SLC44A5: variants seen among roughly 807,000 people sequenced by gnomAD.
SLC44A5 encodes the protein choline transporter-like protein 5.
SLC44A5 carries 57 observed loss-of-function variants against 101.8 expected under a neutral mutation model. The ratio of observed to expected loss-of-function variants is 0.56; its 90% CI spans 0.45 to 0.70. SLC44A5 has a LOEUF of 0.70. Among genes scored for constraint, SLC44A5 ranks in the 30% least tolerant of loss-of-function variants. The pLI, the probability that SLC44A5 is intolerant of heterozygous loss-of-function variation, is 0.00. For synonymous variants in SLC44A5, 281 were observed against 290.9 expected (o/e 0.97, Z 0.35); for missense variants, 737 against 853.1 (o/e 0.86, Z 1.70).
At chr1:75,587,892 G>A (rs759028168) in intron 1 of SLC44A5, among the ~76,000 whole-genome samples, 2 of 152,094 alleles carry the variant, frequency 1.3e-5, no homozygotes, top group Non-Finnish European at 2.9e-5. Flanking sequence ...TCTGGCACTC[G>A]CAGGTTCCCC....
chr1:75,294,394 G>A (rs558995424), intron 5 of SLC44A5, among the ~76,000 whole-genome samples: 1 of 152,244 alleles, frequency 6.6e-6, no homozygotes, highest in South Asian at 2.1e-4. Context: ...ATGTAAATTA[G>A]TATAGCCATT....
At chr1:75,501,567 T>G (rs1334087008) in intron 2 of SLC44A5, among the ~76,000 whole-genome samples, 1 of 152,164 alleles carries the variant, frequency 6.6e-6, no homozygotes, top group African/African-American at 2.4e-5. Flanking sequence ...TCTATAAAGT[T>G]CAAAGCATTT....
intron 2 of SLC44A5, among the ~76,000 whole-genome samples, chr1:75,425,739 A>G (rs1179897747): frequency 6.6e-6 from 1 of 152,198 alleles, no homozygotes; most frequent in Non-Finnish European, 1.5e-5. Context: ...CCCCTTGAAC[A>G]TGCCATGCTA....
At chr1:75,679,619 A>C in the SLC44A5 span, among the ~76,000 whole-genome samples, 1 of 152,120 alleles carries the variant, frequency 6.6e-6, no homozygotes, top group Non-Finnish European at 1.5e-5. Flanking sequence ...GAAGCGCTAA[A>C]CATGGAAAGG....
At chr1:75,211,617 C>T (rs1384024442) in intron 22 of SLC44A5, 65 bp from the exon 23 acceptor site, 1 of 1,208,188 alleles carries the variant, frequency 8.3e-7, no homozygotes, top group Non-Finnish European at 1.2e-6. Context: ...AATAATGCAG[C>T]TATAAATGAA....
intron 2 of SLC44A5, among the ~76,000 whole-genome samples, chr1:75,533,703 C>A (rs1670846579): frequency 6.6e-6 from 1 of 152,172 alleles, no homozygotes; most frequent in Non-Finnish European, 1.5e-5. Context: ...TGTAAAAACT[C>A]TTTGTCTTCC....
intron 2 of SLC44A5, among the ~76,000 whole-genome samples, chr1:75,509,921 G>A (rs1376328650): frequency 6.6e-6 from 1 of 152,190 alleles, no homozygotes; most frequent in Non-Finnish European, 1.5e-5. Flanking sequence ...AAAGGAAAGA[G>A]TTTAATTGAC....
Position 75,203,666 on chromosome 1 carries a change from GCA to G in SLC44A5, c.*59_*60del. The G allele has an allele frequency of 6.7e-7, 1 of 1,498,418 alleles. No homozygotes were observed. The highest frequency in any genetic ancestry group is 1.4e-5 in the African/African-American group (1 of 71,078). The allele number at this position is 1,498,418 out of a possible 1,614,324, so 92.8% of individuals were successfully genotyped here. On this transcript the variant is annotated 3_prime_UTR_variant, in exon 24 of 24. Transcript: ENST00000370859. ...ACAAAGCACTTATGAAACAAATGTT[GCA>G]CAGACACAGCAGATGGAGAAAAGGT...
the SLC44A5 span, among the ~76,000 whole-genome samples, chr1:75,620,582 G>C: frequency 1.3e-5 from 2 of 152,176 alleles, no homozygotes; most frequent in South Asian, 4.1e-4. Flanking sequence ...AATAACCAGT[G>C]ATGATGAGCA....
chr1:75,481,386 A>G (rs1262990878), intron 2 of SLC44A5, among the ~76,000 whole-genome samples: 1 of 152,190 alleles, frequency 6.6e-6, no homozygotes, highest in Non-Finnish European at 1.5e-5. Flanking sequence ...ATGGCAACAA[A>G]AGCCAAAATT....
At chr1:75,677,691 T>G in the SLC44A5 span, 1 of 421,026 alleles carries the variant, frequency 2.4e-6, no homozygotes, top group Non-Finnish European at 4.6e-6. Flanking sequence ...AGTAACTAAA[T>G]GCATAAAAAA....
At chr1:75,351,007 G>A (rs557145951) in intron 3 of SLC44A5, among the ~76,000 whole-genome samples, 10 of 150,900 alleles carry the variant, frequency 6.6e-5, no homozygotes, top group South Asian at 2.1e-4. Context: ...TCTAGAAATC[G>A]AAATTATAGT....
At chr1:75,646,786 GC>G in the SLC44A5 span, among the ~76,000 whole-genome samples, 1 of 152,132 alleles carries the variant, frequency 6.6e-6, no homozygotes, top group Non-Finnish European at 1.5e-5. Context: ...GCTGCATTTT[GC>G]CCATGCCCTA....
chr1:75,516,980 T>A (rs770872232), intron 2 of SLC44A5, among the ~76,000 whole-genome samples: 1 of 152,192 alleles, frequency 6.6e-6, no homozygotes, highest in Non-Finnish European at 1.5e-5. Flanking sequence ...CATACTTCTA[T>A]AACTAGCCTA....
At chr1:75,388,332 A>G (rs536918479) in intron 3 of SLC44A5, among the ~76,000 whole-genome samples, 48 of 152,294 alleles carry the variant, frequency 3.2e-4, no homozygotes, top group Middle Eastern at 3.4e-3. Context: ...TGTGGAAATA[A>G]AAGAATAATA....
intron 2 of SLC44A5, among the ~76,000 whole-genome samples, chr1:75,440,398 A>G (rs928350469): frequency 6.6e-6 from 1 of 152,120 alleles, no homozygotes; most frequent in Non-Finnish European, 1.5e-5. Flanking sequence ...TGGTAGCTCC[A>G]GGACATGGCT....
chr1:75,248,235 C>T (rs1225533951), intron 7 of SLC44A5, among the ~76,000 whole-genome samples: 3 of 151,894 alleles, frequency 2.0e-5, no homozygotes, highest in African/African-American at 7.3e-5. Context: ...TTCAAGGAAG[C>T]CTCACTAAGA....
At chr1:75,326,367 T>G (rs1038882979) in intron 4 of SLC44A5, among the ~76,000 whole-genome samples, 1 of 151,916 alleles carries the variant, frequency 6.6e-6, no homozygotes, top group Non-Finnish European at 1.5e-5. Context: ...ACATTAAATC[T>G]TATCTTTAAA....
At chr1:75,281,636 G>GCCCCCCCCCCCCCCCCCCC (rs71081324) in intron 5 of SLC44A5, among the ~76,000 whole-genome samples, 1 of 49,458 alleles carries the variant, frequency 2.0e-5, no homozygotes, top group Non-Finnish European at 4.4e-5. Flanking sequence ...CTGGTGCCAG[G>GCCCCCCCCCCCCCCCCCCC]CCCCCCCCCC....
Sources: gnomAD v4.1 joint callset for allele counts (sites outside exome capture counted in the v4.1 genomes callset) on GRCh38, gnomAD v4.1.1 for gene constraint, MANE v1.5 for transcripts, NCBI Gene and HGNC (gene_info 2026-07-23, HGNC 2026-07-21) for gene names.